Variants in PKD2L2 observed in about 807,000 individuals in gnomAD.
The protein encoded by PKD2L2 is polycystin 2 like 2, transient receptor potential cation channel, also known as polycystin-2-like protein 2.
A neutral mutation model predicts 83.9 loss-of-function variants in PKD2L2; 67 were observed. The observed-to-expected ratio is 0.80, with a 90% CI of 0.66 to 0.98. The LOEUF (loss-of-function observed/expected upper bound fraction) is 0.98, where lower values mean the gene tolerates loss of function less well. PKD2L2 is among the 50% of genes least tolerant of loss of function. The probability of loss-of-function intolerance (pLI) is 0.00; values close to 1 mark genes in which losing one functional copy is unlikely to be tolerated. For synonymous variants in PKD2L2, 223 were observed against 237.8 expected, an observed-to-expected ratio of 0.94 and a Z score of 0.57; for missense variants, 632 against 717.2, an observed-to-expected ratio of 0.88 and a Z score of 1.36.
intron 14 of PKD2L2, chr5:137,940,117 A>G (rs745744896): frequency 6.2e-6 from 10 of 1,614,046 alleles, no homozygotes; most frequent in Non-Finnish European, 7.6e-6. Context: ...ACAAAATGAG[A>G]TTCTCTGAGT....
intron 12 of PKD2L2, among the ~76,000 whole-genome samples, chr5:137,929,352 T>C (rs1173299538): frequency 1.3e-5 from 2 of 151,284 alleles, no homozygotes. Context: ...TCCCAGCTAC[T>C]TGGGAGGCTG....
At chr5:137,925,174 GTTTT>G (rs953761751) in intron 11 of PKD2L2, 70 bp downstream of exon 11, 8 of 947,736 alleles carry the variant, frequency 8.4e-6, no homozygotes, top group East Asian at 2.4e-5. Flanking sequence ...ACCTTATAAG[GTTTT>G]TTTTGTTTTT....
At chr5:137,913,184 CTTTTTTT>C (rs35984179) in intron 8 of PKD2L2, among the ~76,000 whole-genome samples, 25 of 104,838 alleles carry the variant, frequency 2.4e-4, no homozygotes, top group Middle Eastern at 5.7e-3. Flanking sequence ...CTTCTTTTTT[CTTTTTTT>C]TTTTTTTTTT....
At chr5:137,900,661 T>A (rs917637615) in intron 5 of PKD2L2, among the ~76,000 whole-genome samples, 1 of 152,176 alleles carries the variant, frequency 6.6e-6, no homozygotes, top group Non-Finnish European at 1.5e-5. Flanking sequence ...AATACCTTTT[T>A]ATCTCATTGA....
Position 137,940,387 on chromosome 5 carries a change from A to G in PKD2L2, c.*18-1997A>G, listed in dbSNP as rs374194145. 4 of 1,481,030 alleles carry G rather than the reference A, an allele frequency of 2.7e-6. No homozygotes were observed. The African/African-American group carries it at 5.7e-5, about 21-fold the overall frequency. The allele number at this position is 1,481,030 out of a possible 1,614,324, so 91.7% of individuals were successfully genotyped here. On this transcript the variant is annotated intron_variant, in intron 14 of 14. Coordinates refer to ENST00000508883, the MANE Select transcript of PKD2L2 (RefSeq NM_001300921.2). The stretch of plus-strand genomic sequence containing the variant: ...TAAAATTTGTAATGTTCTAGAGATC[A>G]TTTGGAAAAAAAGATCCAAAAGTTG...
intron 12 of PKD2L2, among the ~76,000 whole-genome samples, chr5:137,927,831 G>A (rs960221795): frequency 3.3e-5 from 5 of 152,086 alleles, no homozygotes; most frequent in African/African-American, 1.2e-4. Flanking sequence ...GGCTGGTCTC[G>A]AACTCTTTAC....
intron 7 of PKD2L2, 26 bp from the exon 8 acceptor site, chr5:137,908,739 T>C (rs770911963): frequency 8.3e-7 from 1 of 1,209,464 alleles, no homozygotes; most frequent in African/African-American, 1.5e-5. Flanking sequence ...TATTCTCCTA[T>C]TTCAATTAAC....
chr5:137,926,434 G>A (rs1216591262), intron 12 of PKD2L2, among the ~76,000 whole-genome samples: 1 of 151,780 alleles, frequency 6.6e-6, no homozygotes, highest in Non-Finnish European at 1.5e-5. Context: ...TCAGAAAGAA[G>A]GCAGCAGAAT....
chr5:137,924,219 C>T (rs988326499), intron 10 of PKD2L2, among the ~76,000 whole-genome samples: 1 of 152,194 alleles, frequency 6.6e-6, no homozygotes, highest in African/African-American at 2.4e-5. Context: ...AGTCCGAATT[C>T]CTTACCTGAA....
At chr5:137,937,121 T>G (rs1353558424) in intron 14 of PKD2L2, among the ~76,000 whole-genome samples, 6 of 152,216 alleles carry the variant, frequency 3.9e-5, no homozygotes, top group South Asian at 2.1e-4. Flanking sequence ...ATGTTCTGAA[T>G]TCCTTTGGCC....
At chr5:137,941,689 T>A (rs1334803896) in intron 14 of PKD2L2, among the ~76,000 whole-genome samples, 1 of 152,150 alleles carries the variant, frequency 6.6e-6, no homozygotes, top group Admixed American at 6.5e-5. Flanking sequence ...AATTAAAGAA[T>A]ATAAAATCAC....
In PKD2L2 at chr5:137,908,821, C is replaced by T. The variant is rs267600352; in HGVS notation, c.1203C>T (p.Ser401=). 1 of 1,595,496 alleles carries T rather than the reference C, an allele frequency of 6.3e-7. No individual in the cohort carries two copies. The highest frequency in any genetic ancestry group is 8.6e-7 in the Non-Finnish European group (1 of 1,164,884). Residue 401 remains serine (S), a synonymous_variant, in exon 8 of 15, where the codon TCC becomes TCT. Coordinates refer to ENST00000508883, the MANE Select transcript of PKD2L2 (RefSeq NM_001300921.2). ...TGTCTCAGCTGTCATCAACCTTGTC[C>T]CGTTGTGTTAAAGACATAGTAGGAT... ...KTMSQLSSTL[S]RCVKDIVGFA... is the part of the protein sequence containing the mutation.
chr5:137,932,437 T>C (rs937962853), intron 12 of PKD2L2, among the ~76,000 whole-genome samples: 2 of 151,680 alleles, frequency 1.3e-5, no homozygotes, highest in African/African-American at 4.8e-5. Flanking sequence ...GAAACCATAA[T>C]ATGTATTTCA....
Position 137,890,298 on chromosome 5 carries a change from A to G in PKD2L2, c.32-183A>G, listed in dbSNP as rs1035954166. ...CTCCGTCTCAAAAAAAAAATCTGTT[A>G]TTAATAGTATATAGTAAAAAAATTA... On this transcript the variant is annotated intron_variant, in intron 1 of 14. Coordinates refer to ENST00000508883, the MANE Select transcript of PKD2L2 (RefSeq NM_001300921.2). 4 of 492,006 alleles carry G rather than the reference A, an allele frequency of 8.1e-6. No individual in the cohort carries two copies. In the African/African-American group the frequency reaches 8.2e-5, roughly 10 times the overall value. The allele number at this position is 492,006 out of a possible 1,614,324, so 30.5% of individuals were successfully genotyped here. A position where few individuals can be genotyped will look rare whatever the true frequency, so the allele number is the denominator to read the frequency against.
At chr5:137,904,309 A>G (rs1478242983) in intron 5 of PKD2L2, among the ~76,000 whole-genome samples, 2 of 152,232 alleles carry the variant, frequency 1.3e-5, no homozygotes, top group African/African-American at 4.8e-5. Context: ...GGATTTAATC[A>G]GCTTCCACTA....
chr5:137,921,636 A>T lies in PKD2L2; in HGVS notation c.1329A>T (p.Ile443=). ...VDDFSTFQNS[I]FAQFRIVLGD... ...TTTCTACTGTTTTTCTTTCTTAAAG[A>T]TTTGCACAATTTCGAATTGTTCTTG... Residue 443 remains isoleucine (I), a splice_region_variant and synonymous_variant, in exon 9 of 15, where the codon ATA becomes ATT. Coordinates refer to ENST00000508883, the MANE Select transcript of PKD2L2 (RefSeq NM_001300921.2). 6.3e-7 allele frequency: 1 copy of T among 1,578,318 alleles called. No individual in the cohort carries two copies. The highest frequency in any genetic ancestry group is 8.7e-7 in the Non-Finnish European group (1 of 1,155,210).
rs1300608111 is a variant in PKD2L2 at position 137,935,893 on chromosome 5, CAAG to C, written c.1774_1776del (p.Glu592del). The C allele has an allele frequency of 2.5e-6, 4 of 1,576,624 alleles. No homozygotes were observed. The highest frequency in any genetic ancestry group is 2.2e-5 in the East Asian group (1 of 44,706). On this transcript the variant is annotated inframe_deletion, in exon 13 of 15. Transcript: ENST00000508883. ...TCAAGATGACTACCAGCCTGTCACT[CAAG>C]AAGAATTTCGAGAGTAAGCTTATGT...
chr5:137,934,171 G>C (rs1760111620), intron 12 of PKD2L2, among the ~76,000 whole-genome samples: 1 of 152,164 alleles, frequency 6.6e-6, no homozygotes, highest in Non-Finnish European at 1.5e-5. Flanking sequence ...GCTACCACAA[G>C]GGAAGGTGGT....
intron 8 of PKD2L2, among the ~76,000 whole-genome samples, chr5:137,916,564 C>T (rs554738210): frequency 6.9e-6 from 1 of 145,036 alleles, no homozygotes; most frequent in Non-Finnish European, 1.5e-5. Flanking sequence ...ACCGCAGCCT[C>T]AATTTCCAAG....
Sources: gnomAD v4.1 joint callset for allele counts (sites outside exome capture counted in the v4.1 genomes callset) on GRCh38, gnomAD v4.1.1 for gene constraint, MANE v1.5 for transcripts, NCBI Gene and HGNC (gene_info 2026-07-23, HGNC 2026-07-21) for gene names.